The following GRIN2B variants were observed in gnomAD, a reference collection of about 807,000 sequenced individuals.
The protein encoded by GRIN2B is glutamate receptor ionotropic, NMDA 2B.
Under a neutral mutation model 114.5 loss-of-function variants are expected in GRIN2B, and 5 were observed. The observed-to-expected ratio is 0.04, with a 90% CI of 0.02 to 0.09. The LOEUF (loss-of-function observed/expected upper bound fraction) is 0.09. Among genes scored for constraint, GRIN2B ranks in the 10% least tolerant of loss-of-function variants. The probability of loss-of-function intolerance (pLI) is 1.00; values close to 1 mark genes in which losing one functional copy is unlikely to be tolerated. For missense variants in GRIN2B, 1,108 were observed against 1,943.5 expected, an observed-to-expected ratio of 0.57 and a Z score of 8.08; for synonymous variants, 787 against 745.1, an observed-to-expected ratio of 1.06 and a Z score of -0.92.
intron 3 of GRIN2B, among the ~76,000 whole-genome samples, chr12:13,761,200 T>C (rs1455715715): frequency 6.6e-6 from 1 of 152,194 alleles, no homozygotes; most frequent in Non-Finnish European, 1.5e-5. Context: ...TCTGGATAAC[T>C]AAACAACTTC....
intron 3 of GRIN2B, among the ~76,000 whole-genome samples, chr12:13,757,323 A>G (rs1863593759): frequency 6.6e-6 from 1 of 152,200 alleles, no homozygotes; most frequent in Admixed American, 6.5e-5. Context: ...GCTCTTTTTC[A>G]GTAAAGCTCT....
chr12:13,697,510 G>T (rs771075718), intron 4 of GRIN2B, among the ~76,000 whole-genome samples: 1 of 152,098 alleles, frequency 6.6e-6, no homozygotes, highest in Non-Finnish European at 1.5e-5. Flanking sequence ...GTCACTAGAA[G>T]GAGACTTCTT....
chr12:13,849,401 TTGGTCC>T (rs1311885893), intron 3 of GRIN2B, among the ~76,000 whole-genome samples: 2 of 152,144 alleles, frequency 1.3e-5, no homozygotes, highest in Non-Finnish European at 2.9e-5. Context: ...TCTCCCCTGC[TTGGTCC>T]TGGGAATTGT....
intron 4 of GRIN2B, among the ~76,000 whole-genome samples, chr12:13,725,427 T>G (rs545675814): frequency 1.1e-4 from 16 of 152,186 alleles, no homozygotes; most frequent in Admixed American, 8.5e-4. Flanking sequence ...ACAATACATT[T>G]GCAAGGTGTT....
chr12:13,815,957 ATG>A (rs1864815022), intron 3 of GRIN2B, among the ~76,000 whole-genome samples: 1 of 151,928 alleles, frequency 6.6e-6, no homozygotes, highest in Non-Finnish European at 1.5e-5. Flanking sequence ...ATACATGCAC[ATG>A]TGCACACACA....
chr12:13,578,758 C>G (rs1224873952), intron 10 of GRIN2B, among the ~76,000 whole-genome samples: 1 of 152,114 alleles, frequency 6.6e-6, no homozygotes, highest in East Asian at 1.9e-4. Context: ...GAAATTGAAA[C>G]AGCATAATAG....
chr12:13,962,769 C>G (rs1867717960), intron 2 of GRIN2B, among the ~76,000 whole-genome samples: 1 of 152,200 alleles, frequency 6.6e-6, no homozygotes, highest in Non-Finnish European at 1.5e-5. Flanking sequence ...TCCCTGGAGT[C>G]CAGACAGAAC....
intron 2 of GRIN2B, among the ~76,000 whole-genome samples, chr12:13,918,529 T>TA (rs1453584946): frequency 6.6e-6 from 1 of 152,190 alleles, no homozygotes; most frequent in African/African-American, 2.4e-5. Context: ...CTGGACATGT[T>TA]AAAAAAATGG....
chr12:13,829,647 T>C (rs555818591), intron 3 of GRIN2B, among the ~76,000 whole-genome samples: 1 of 152,180 alleles, frequency 6.6e-6, no homozygotes, highest in Non-Finnish European at 1.5e-5. Flanking sequence ...CAAATTAAAA[T>C]TGGAATCCTC....
At chr12:13,641,004 T>C (rs772342335) in intron 5 of GRIN2B, among the ~76,000 whole-genome samples, 1 of 152,102 alleles carries the variant, frequency 6.6e-6, no homozygotes, top group African/African-American at 2.4e-5. Context: ...TTCGGAACCA[T>C]AGTTTTCCTT....
chr12:13,855,132 C>A (rs953345586), intron 3 of GRIN2B, among the ~76,000 whole-genome samples: 1 of 151,022 alleles, frequency 6.6e-6, no homozygotes, highest in African/African-American at 2.4e-5. Flanking sequence ...GCAGCAGAAT[C>A]ACTTGAACCT....
chr12:13,690,401 C>A (rs1176476043), intron 4 of GRIN2B, among the ~76,000 whole-genome samples: 9 of 150,778 alleles, frequency 6.0e-5, no homozygotes, highest in African/African-American at 2.2e-4. Flanking sequence ...ACACATGCAA[C>A]TGGCATTGAG....
intron 10 of GRIN2B, among the ~76,000 whole-genome samples, chr12:13,595,101 A>C (rs989135030): frequency 2.6e-5 from 4 of 152,184 alleles, no homozygotes; most frequent in Non-Finnish European, 5.9e-5. Context: ...GGGCAAGGTA[A>C]CAGGGTGAAG....
chr12:13,704,917 C>T (rs1452240408), intron 4 of GRIN2B, among the ~76,000 whole-genome samples: 2 of 152,108 alleles, frequency 1.3e-5, no homozygotes, highest in East Asian at 1.9e-4. Context: ...TTGGAGGAAT[C>T]GGTTTCTTTC....
At chr12:13,633,355 C>T (rs182424483) in intron 5 of GRIN2B, among the ~76,000 whole-genome samples, 3 of 152,308 alleles carry the variant, frequency 2.0e-5, no homozygotes, top group African/African-American at 4.8e-5. Context: ...CTCACGCATG[C>T]TAATGTTTGA....
chr12:13,636,220 G>A (rs916658315), intron 5 of GRIN2B, among the ~76,000 whole-genome samples: 1 of 152,152 alleles, frequency 6.6e-6, no homozygotes, highest in Non-Finnish European at 1.5e-5. Flanking sequence ...GCTTTGCTTG[G>A]AGTGTCTAAG....
intron 4 of GRIN2B, among the ~76,000 whole-genome samples, chr12:13,732,985 C>A (rs1406863284): frequency 1.3e-5 from 2 of 152,150 alleles, no homozygotes; most frequent in Non-Finnish European, 2.9e-5. Flanking sequence ...GTGGAGCTAA[C>A]AGTCTAGTTA....
At chr12:13,929,856 C>G (rs1204890855) in intron 2 of GRIN2B, among the ~76,000 whole-genome samples, 3 of 152,174 alleles carry the variant, frequency 2.0e-5, no homozygotes, top group Admixed American at 6.5e-5. Flanking sequence ...AAGTGAGATA[C>G]ATATTAAAGC....
Position 13,554,852 on chromosome 12 carries a change from C to T in GRIN2B, c.*7931G>A, listed in dbSNP as rs185675612. The T allele has an allele frequency of 5.3e-5, 8 of 152,128 alleles. No homozygotes were observed. The South Asian group carries it at 6.2e-4, about 12-fold the overall frequency. 9.4% of individuals were successfully genotyped at this position (152,128 alleles called of 1,614,324 possible). A position where few individuals can be genotyped will look rare whatever the true frequency, so the allele number is the denominator to read the frequency against. ...CAAAAGTGCCTGAAAAGCTTGAGTTCGGTGACGGAAGACATGGTGATACCA... is the reference window on the plus strand; with the variant it reads ...CAAAAGTGCCTGAAAAGCTTGAGTTTGGTGACGGAAGACATGGTGATACCA... On this transcript the variant is annotated 3_prime_UTR_variant, in exon 14 of 14. Transcript: ENST00000609686.
Sources: allele counts gnomAD v4.1 joint callset (sites outside exome capture counted in the v4.1 genomes callset), GRCh38; gene constraint gnomAD v4.1.1; transcripts MANE v1.5; gene names NCBI Gene and HGNC (gene_info 2026-07-23, HGNC 2026-07-21).